The following SMOC2 variants were observed in gnomAD, a reference collection of about 807,000 sequenced individuals.
SMOC2 encodes SPARC-related modular calcium-binding protein 2.
A neutral mutation model predicts 61.4 loss-of-function variants in SMOC2; 39 were observed. That is an observed-to-expected ratio of 0.64 (90% CI 0.49 to 0.83). SMOC2 has a LOEUF of 0.83. Ranked by LOEUF, SMOC2 falls within the 40% of genes least tolerant of loss-of-function variation. SMOC2 has a pLI of 0.00. For missense variants in SMOC2, 556 were observed against 592.9 expected (o/e 0.94, Z 0.65); for synonymous variants, 247 against 239.9 (o/e 1.03, Z -0.27).
intron 1 of SMOC2, among the ~76,000 whole-genome samples, chr6:168,469,054 A>G (rs971093926): frequency 1.3e-5 from 2 of 152,182 alleles, no homozygotes; most frequent in Admixed American, 6.5e-5. Flanking sequence ...GATGGATCCA[A>G]TGGTGTTTCT....
chr6:168,639,774 G>T (rs1260328784), intron 9 of SMOC2, among the ~76,000 whole-genome samples: 1 of 152,178 alleles, frequency 6.6e-6, no homozygotes, highest in African/African-American at 2.4e-5. Context: ...TCTCAGACTC[G>T]CTGCTACTTG....
chr6:168,573,826 C>T (rs1018794216), intron 7 of SMOC2, among the ~76,000 whole-genome samples: 1 of 152,310 alleles, frequency 6.6e-6, no homozygotes, highest in East Asian at 1.9e-4. Context: ...ATCCCACTAA[C>T]GATCCAGTGG....
At chr6:168,595,348 G>C (rs990721323) in intron 7 of SMOC2, among the ~76,000 whole-genome samples, 1 of 152,144 alleles carries the variant, frequency 6.6e-6, no homozygotes, top group Non-Finnish European at 1.5e-5. Flanking sequence ...CCCGTGCTGT[G>C]GTGACACAGG....
At chr6:168,616,976 G>T (rs58209084) in intron 9 of SMOC2, among the ~76,000 whole-genome samples, 1 of 152,054 alleles carries the variant, frequency 6.6e-6, no homozygotes, top group Non-Finnish European at 1.5e-5. Flanking sequence ...TTCACTCAGC[G>T]CTTGCCTTTT....
intron 6 of SMOC2, among the ~76,000 whole-genome samples, chr6:168,547,808 T>C (rs4708477): frequency 0.73 from 110,471 of 151,646 alleles, 41,647 homozygotes; most frequent in East Asian, 1. Flanking sequence ...CTGTTTTTCC[T>C]GATGTCTTTG....
rs368965252 is a variant in SMOC2, at chr6:168,468,991, C to A, written c.84+27537C>A. Reference sequence around the variant, plus strand: ...GCACGCATACAGACATCAGGTGATACAAGCTGGCATTTTGGGATTACTTAT... The same window carrying A: ...GCACGCATACAGACATCAGGTGATAAAAGCTGGCATTTTGGGATTACTTAT... On this transcript the variant is annotated intron_variant, in intron 1 of 12. Coordinates refer to ENST00000356284, the MANE Select transcript of SMOC2 (RefSeq NM_001166412.2). 5.9e-5 allele frequency among the ~76,000 whole-genome samples: 9 copies of A among 152,360 alleles called. No individual in the cohort carries two copies. The East Asian group carries it at 1.5e-3, about 26-fold the overall frequency.
At chr6:168,608,026 G>T in intron 8 of SMOC2, 131 bp from the exon 9 acceptor site, 1 of 746,574 alleles carries the variant, frequency 1.3e-6, no homozygotes, top group Non-Finnish European at 2.2e-6. Context: ...GAGGTCATGG[G>T]TGTCATAGCA....
intron 1 of SMOC2, among the ~76,000 whole-genome samples, chr6:168,476,007 C>T (rs944790340): frequency 2.6e-5 from 4 of 152,072 alleles, no homozygotes; most frequent in Admixed American, 6.5e-5. Context: ...AGAACCATTC[C>T]GGTCTCACAG....
At chr6:168,562,240 T>A (rs1404846145) in intron 7 of SMOC2, among the ~76,000 whole-genome samples, 3 of 123,572 alleles carry the variant, frequency 2.4e-5, no homozygotes, top group African/African-American at 1.1e-4. Context: ...CACTGTGTTC[T>A]CGGAGGAGGT....
At chr6:168,503,379 C>A (rs889978640) in intron 1 of SMOC2, among the ~76,000 whole-genome samples, 5 of 152,074 alleles carry the variant, frequency 3.3e-5, no homozygotes, top group Admixed American at 6.6e-5. Context: ...TGCCTGGCCA[C>A]CTTGCTTGTT....
chr6:168,579,925 A>G (rs1311544794), intron 7 of SMOC2, among the ~76,000 whole-genome samples: 1 of 152,196 alleles, frequency 6.6e-6, no homozygotes, highest in Non-Finnish European at 1.5e-5. Context: ...GAAATGTGGA[A>G]AGTTGGCCTT....
chr6:168,584,135 C>T (rs373095590), intron 7 of SMOC2, among the ~76,000 whole-genome samples: 89 of 152,242 alleles, frequency 5.8e-4, no homozygotes, highest in Middle Eastern at 3.4e-3. Context: ...TGGAAGCAGG[C>T]GATTAAGAAG....
At chr6:168,528,916 G>A (rs991387124) in intron 4 of SMOC2, among the ~76,000 whole-genome samples, 2 of 152,330 alleles carry the variant, frequency 1.3e-5, no homozygotes, top group South Asian at 4.1e-4. Flanking sequence ...GACTTTGAGA[G>A]ACACTTTCAC....
At position 168,576,804 on chromosome 6, in the gene SMOC2, C is replaced by T. The variant is rs150695584; in HGVS notation, c.638-22014C>T. The stretch of plus-strand genomic sequence containing the variant: ...GTTCAGGGATCACCCGTCAGAGACT[C>T]ATCGTCGATGTGAACACACATCCCT... On this transcript the variant is annotated intron_variant, in intron 7 of 12. Transcript: ENST00000356284. Among the ~76,000 whole-genome samples the T allele has an allele frequency of 9.3e-3, 1,420 of 152,180 alleles. 13 individuals carry two copies. The highest frequency in any genetic ancestry group is 0.012 in the Non-Finnish European group (849 of 68,018).
intron 1 of SMOC2, among the ~76,000 whole-genome samples, chr6:168,457,742 C>T (rs1047735807): frequency 2.0e-5 from 3 of 152,178 alleles, no homozygotes; most frequent in Admixed American, 6.5e-5. Context: ...TCAACCTGAC[C>T]CTGCTGAGCA....
intron 9 of SMOC2, among the ~76,000 whole-genome samples, chr6:168,624,970 C>G (rs1218720448): frequency 6.6e-6 from 1 of 152,142 alleles, no homozygotes; most frequent in East Asian, 1.9e-4. Flanking sequence ...CAGACACATG[C>G]ACACCACCAC....
intron 1 of SMOC2, among the ~76,000 whole-genome samples, chr6:168,454,868 C>T (rs1291924098): frequency 1.3e-5 from 2 of 152,208 alleles, no homozygotes. Context: ...CCAGCAGATG[C>T]TACAGGTGCA....
At chr6:168,516,643 T>C (rs2342452) in intron 2 of SMOC2, among the ~76,000 whole-genome samples, 60,805 of 151,932 alleles carry the variant, frequency 0.4, 13,434 homozygotes, top group East Asian at 0.59. Flanking sequence ...AGGCCCACGG[T>C]GCAGGAAGTC....
chr6:168,529,988 G>A (rs550185614), intron 4 of SMOC2, among the ~76,000 whole-genome samples: 178 of 152,312 alleles, frequency 1.2e-3, no homozygotes, highest in African/African-American at 4.2e-3. Context: ...GTCTGTACAT[G>A]GCAGGAGTAC....
Sources: gnomAD v4.1 joint callset for allele counts (sites outside exome capture counted in the v4.1 genomes callset) on GRCh38, gnomAD v4.1.1 for gene constraint, MANE v1.5 for transcripts, NCBI Gene and HGNC (gene_info 2026-07-23, HGNC 2026-07-21) for gene names.